Variants in TMEM201 observed in about 807,000 individuals in gnomAD.
The protein encoded by TMEM201 is RP13-15M17.2.
Under a neutral mutation model 63.4 loss-of-function variants are expected in TMEM201, and 26 were observed. The observed-to-expected ratio is 0.41, with a 90% confidence interval of 0.30 to 0.57. The LOEUF (loss-of-function observed/expected upper bound fraction) is 0.57. TMEM201 is among the 20% of genes least tolerant of loss of function. The pLI is 0.29. For missense variants in TMEM201, 794 were observed against 917.7 expected (o/e 0.87, Z 1.74); for synonymous variants, 417 against 421.6 (o/e 0.99, Z 0.14).
chr1:9,597,246 GTTC>G (rs1394633705), intron 3 of TMEM201, among the ~76,000 whole-genome samples, 193 bp downstream of exon 3: 1 of 152,248 alleles, frequency 6.6e-6, no homozygotes, highest in Non-Finnish European at 1.5e-5. Flanking sequence ...GGATGTGTTA[GTTC>G]TTCTGACCCC....
chr1:9,592,568 G>T (rs1038612232), intron 1 of TMEM201, among the ~76,000 whole-genome samples: 12 of 151,482 alleles, frequency 7.9e-5, no homozygotes, highest in African/African-American at 2.9e-4. Context: ...CGCTGGGCTC[G>T]CACCTAGAAC....
chr1:9,593,552 C>A (rs544397246), intron 1 of TMEM201, among the ~76,000 whole-genome samples: 3 of 152,200 alleles, frequency 2.0e-5, no homozygotes, highest in Non-Finnish European at 4.4e-5. Context: ...TTGCCTCCCC[C>A]CTCTTCCGGG....
At chr1:9,596,209 C>T (rs1279101271) in intron 2 of TMEM201, among the ~76,000 whole-genome samples, 199 bp downstream of exon 2, 1 of 152,248 alleles carries the variant, frequency 6.6e-6, no homozygotes, top group African/African-American at 2.4e-5. Flanking sequence ...CTGGCGCTGT[C>T]TCCTCACTTG....
At chr1:9,593,007 C>A (rs1400854764) in intron 1 of TMEM201, among the ~76,000 whole-genome samples, 2 of 152,226 alleles carry the variant, frequency 1.3e-5, no homozygotes, top group Non-Finnish European at 2.9e-5. Context: ...CCTTGCCCAC[C>A]AACTGTGGTT....
At chr1:9,597,433 T>G (rs1644046646) in intron 3 of TMEM201, among the ~76,000 whole-genome samples, 4 of 152,206 alleles carry the variant, frequency 2.6e-5, no homozygotes, top group Admixed American at 2.6e-4. Flanking sequence ...CTCTGTCCTG[T>G]TTCTCTGAAT....
At chr1:9,598,217 C>T (rs1364801800) in intron 3 of TMEM201, among the ~76,000 whole-genome samples, 3 of 152,212 alleles carry the variant, frequency 2.0e-5, no homozygotes, top group East Asian at 1.9e-4. Context: ...GTGTCCCCAT[C>T]ACTTGTGGGC....
Position 9,607,532 on chromosome 1 carries a change from T to G in TMEM201, c.1161-25T>G. The G allele has an allele frequency of 6.6e-7, 1 of 1,526,472 alleles. No individual in the cohort carries two copies. The highest frequency in any genetic ancestry group is 8.8e-7 in the Non-Finnish European group (1 of 1,131,970). 94.6% of individuals were successfully genotyped at this position (1,526,472 alleles called of 1,614,324 possible). ...GGACCTCCCGCTGACCCTCTTCTTG[T>G]CCCGTGCCTGACGGGCCCTTGCAGG... On this transcript the variant is annotated intron_variant, in intron 6 of 10. Transcript: ENST00000340381. This position sits in a 1 kb window ranked among gnomAD's most constrained non-coding sequence, Gnocchi z 5.4.
At position 9,604,843 on chromosome 1, in the gene TMEM201, G is replaced by A; in HGVS notation, c.1160+2571G>A. 1 of 985,980 alleles carries A rather than the reference G, an allele frequency of 1.0e-6. No homozygotes were observed. Among genetic ancestry groups the A allele is most frequent in the Non-Finnish European group, 1.2e-6 (1 of 830,004 alleles). The allele number at this position is 985,980 out of a possible 1,614,324, so 61.1% of individuals were successfully genotyped here. On this transcript the variant is annotated intron_variant, in intron 6 of 10. Transcript: ENST00000340381. The surrounding 1 kb of genome is among the most constrained non-coding windows in gnomAD (Gnocchi z 4.1). ...TCTCTGTCTCATGTCGTAGAATTGT[G>A]GATAATTGTCTAGTGACCCTCTCAT...
intron 8 of TMEM201, 52 bp downstream of exon 8, chr1:9,609,963 G>T: frequency 7.3e-6 from 11 of 1,516,156 alleles, no homozygotes; most frequent in Non-Finnish European, 9.9e-6. Context: ...AAGCCCGGGC[G>T]TTCCAGAGCA....
At chr1:9,601,666 G>A (rs1483092757) in intron 5 of TMEM201, among the ~76,000 whole-genome samples, 1 of 152,182 alleles carries the variant, frequency 6.6e-6, no homozygotes, top group Non-Finnish European at 1.5e-5. Context: ...CACCCGCTGT[G>A]GGCTGGGCCG....
chr1:9,608,492 G>A lies in TMEM201; in HGVS notation c.1393+703G>A, dbSNP rs565340363. On this transcript the variant is annotated intron_variant, in intron 7 of 10. Coordinates refer to ENST00000340381, the MANE Select transcript of TMEM201 (RefSeq NM_001130924.3). This position sits in a 1 kb window ranked among gnomAD's most constrained non-coding sequence, Gnocchi z 4.3. ...ACAGGGCAGGCCATTTTGTACACAC[G>A]CCAAGGTTTATATTAGGATGCTTTT... Among the ~76,000 whole-genome samples the A allele has an allele frequency of 7.9e-5, 12 of 152,316 alleles. No individual in the cohort carries two copies. The South Asian group carries it at 2.3e-3, about 29-fold the overall frequency.
At chr1:9,596,171 A>G (rs1003215589) in intron 2 of TMEM201, among the ~76,000 whole-genome samples, 161 bp downstream of exon 2, 1 of 152,124 alleles carries the variant, frequency 6.6e-6, no homozygotes, top group African/African-American at 2.4e-5. Flanking sequence ...TTTCGTGTAC[A>G]TTGTCTCACT....
Position 9,598,566 on chromosome 1 carries a change from C to T in TMEM201, c.547C>T (p.Arg183Cys), listed in dbSNP as rs770400157. The change falls in exon 4 of 11, where the codon CGC becomes TGC. Residue 183 changes from arginine to cysteine, a missense_variant. Arg to Cys is a radical substitution (Grantham distance 180, BLOSUM62 -3). Coordinates refer to ENST00000340381, the MANE Select transcript of TMEM201 (RefSeq NM_001130924.3). ...CATCAAGCACCAGAACCGCCAGCTG[C>T]GCGCCCTGTTGCTCAGCCACCAGTT... The part of the protein sequence containing the change: ...YYIKHQNRQL[R>C]ALLLSHQFKR... 5.0e-6 allele frequency: 8 copies of T among 1,613,702 alleles called. No individual in the cohort carries two copies. The highest frequency in any genetic ancestry group is 2.2e-5 in the South Asian group (2 of 91,080).
At chr1:9,611,280 C>G (rs1569964878) in intron 9 of TMEM201, among the ~76,000 whole-genome samples, 1 of 151,582 alleles carries the variant, frequency 6.6e-6, no homozygotes, top group South Asian at 2.1e-4. Flanking sequence ...TCACTGCAAC[C>G]TCCTCCTCCA....
chr1:9,601,383 C>T lies in TMEM201; in HGVS notation c.885C>T (p.Ser295=). ...GTGAGGCCTGGGCCTTTGGGCAGAG[C>T]CACCAGACGGGCGTCGTGGCACTGG... The part of the protein sequence containing the change: ...KLCEAWAFGQ[S]HQTGVVALGL... Residue 295 remains serine (S), a synonymous_variant, in exon 5 of 11, where the codon AGC becomes AGT. Transcript: ENST00000340381. The T allele has an allele frequency of 1.2e-6, 2 of 1,604,724 alleles. No homozygotes were observed. The highest frequency in any genetic ancestry group is 1.7e-6 in the Non-Finnish European group (2 of 1,179,390).
Position 9,610,801 on chromosome 1 carries a change from C to A in TMEM201, c.1761C>A (p.Ala587=). Residue 587 remains alanine, a synonymous_variant, in exon 9 of 11, where the codon GCC becomes GCA. Coordinates refer to ENST00000340381, the MANE Select transcript of TMEM201 (RefSeq NM_001130924.3). The surrounding 1 kb of genome is among the most constrained non-coding windows in gnomAD (Gnocchi z 4.9). The stretch of plus-strand genomic sequence containing the variant: ...CGCCCCTGCAGGACGTGAAGCACGC[C>A]CTGGGTACGGCCTTCTGACCACCCC... ...RKPPLQDVKH[A]LDLRSKLERG... is the part of the protein sequence containing the mutation. The A allele has an allele frequency of 1.3e-6, 2 of 1,539,336 alleles. No individual in the cohort carries two copies. Among genetic ancestry groups the A allele is most frequent in the Non-Finnish European group, 8.8e-7 (1 of 1,139,468 alleles).
At position 9,603,013 on chromosome 1, in the gene TMEM201, G is replaced by T; in HGVS notation, c.1160+741G>T. ...GTTTGGGGAGCGAGACCCCACCTGA[G>T]ACAGGCAGTAGGAGCCTGTGCTGAC... On this transcript the variant is annotated intron_variant, in intron 6 of 10. Transcript: ENST00000340381. The surrounding 1 kb of genome is among the most constrained non-coding windows in gnomAD (Gnocchi z 4.5). 1.0e-6 allele frequency: 1 copy of T among 985,598 alleles called. No individual in the cohort carries two copies. Among genetic ancestry groups the T allele is most frequent in the Non-Finnish European group, 1.2e-6 (1 of 830,054 alleles). 61.1% of individuals were successfully genotyped at this position (985,598 alleles called of 1,614,324 possible). A position where few individuals can be genotyped will look rare whatever the true frequency, so the allele number is the denominator to read the frequency against.
chr1:9,601,028 G>A (rs531445214), intron 4 of TMEM201, 77 bp from the exon 5 acceptor site: 52 of 1,335,628 alleles, frequency 3.9e-5, no homozygotes, highest in African/African-American at 1.2e-4. Flanking sequence ...CCAGAACCCC[G>A]CACAGACTGG....
At chr1:9,593,486 A>G (rs1232056697) in intron 1 of TMEM201, among the ~76,000 whole-genome samples, 1 of 152,190 alleles carries the variant, frequency 6.6e-6, no homozygotes, top group East Asian at 1.9e-4. Context: ...GGGATTACCC[A>G]GGGCTGAGAG....
Sources: gnomAD v4.1 joint callset for allele counts (sites outside exome capture counted in the v4.1 genomes callset) on GRCh38, gnomAD v4.1.1 for gene constraint, Gnocchi (gnomAD v3.1) non-coding constraint, MANE v1.5 for transcripts, NCBI Gene and HGNC (gene_info 2026-07-23, HGNC 2026-07-21) for gene names.